The following DRC3 variants were observed in gnomAD, a reference collection of about 807,000 sequenced individuals.
DRC3 encodes dynein regulatory complex subunit 3, also known as leucine rich repeat containing 48.
In DRC3, 45 loss-of-function variants were observed where a neutral mutation model predicts 57.6. The observed-to-expected ratio is 0.78, with a 90% CI of 0.62 to 1.00. DRC3 has a LOEUF of 1.00. Among genes scored for constraint, DRC3 ranks in the 50% least tolerant of loss-of-function variants. The pLI is 0.00. For synonymous variants in DRC3, 257 were observed against 272.3 expected, an observed-to-expected ratio of 0.94 and a Z score of 0.55; for missense variants, 655 against 675.2, an observed-to-expected ratio of 0.97 and a Z score of 0.33.
chr17:18,009,505 T>C (rs1159685750), intron 12 of DRC3, among the ~76,000 whole-genome samples: 1 of 152,240 alleles, frequency 6.6e-6, no homozygotes, highest in African/African-American at 2.4e-5. Context: ...GTTTGCTTTT[T>C]TAATCTTCAC....
intron 12 of DRC3, chr17:18,007,477 G>A: frequency 1.3e-6 from 2 of 1,551,074 alleles, no homozygotes; most frequent in Non-Finnish European, 1.7e-6. Context: ...GTTGAAGTCT[G>A]AGATTTCCCC....
chr17:18,016,231 G>A (rs755104187), intron 13 of DRC3, 36 bp downstream of exon 13: 2 of 1,602,348 alleles, frequency 1.2e-6, no homozygotes, highest in Admixed American at 3.3e-5. Flanking sequence ...CAGGCTGGAT[G>A]AACTTTTCTA....
chr17:17,997,740 C>A, intron 9 of DRC3, 106 bp downstream of exon 9: 1 of 1,065,406 alleles, frequency 9.4e-7, no homozygotes, highest in Non-Finnish European at 1.3e-6. Flanking sequence ...CCTCTGATGA[C>A]CCCTGAGGCC....
At position 18,008,728 on chromosome 17, in the gene DRC3, C is replaced by T. The variant is rs771859337; in HGVS notation, c.1326+1581C>T. Among the ~76,000 whole-genome samples, 2 of 152,226 alleles carry T rather than the reference C, an allele frequency of 1.3e-5. No individual in the cohort carries two copies. The highest frequency in any genetic ancestry group is 2.9e-5 in the Non-Finnish European group (2 of 68,048). On this transcript the variant is annotated intron_variant, in intron 12 of 13. Transcript: ENST00000399187. This position sits in a 1 kb window ranked among gnomAD's most constrained non-coding sequence, Gnocchi z 4.3. ...GCAGCTAATTGCTATTGACCAGACA[C>T]AGGAAAACACCACCTTCCCTGTGAA...
At chr17:17,975,974 A>G (rs751015883) in intron 2 of DRC3, among the ~76,000 whole-genome samples, 2 of 152,116 alleles carry the variant, frequency 1.3e-5, no homozygotes, top group Non-Finnish European at 2.9e-5. Flanking sequence ...GGAAGTCTCT[A>G]AGACCAGGTA....
rs529600272 is a variant in DRC3 at position 18,002,518 on chromosome 17, C to T, written c.1000-1845C>T. On this transcript the variant is annotated intron_variant, in intron 9 of 13. Coordinates refer to ENST00000399187, the MANE Select transcript of DRC3 (RefSeq NM_031294.4). ...CCCCTCATTCCAAAGGGCTCAGCAT[C>T]TATTTAGCAGTAGCTTCCACTTGCT... 4.6e-5 allele frequency among the ~76,000 whole-genome samples: 7 copies of T among 152,312 alleles called. No homozygotes were observed. The South Asian group carries it at 1.5e-3, about 32-fold the overall frequency.
chr17:18,005,111 G>A (rs549819150), intron 10 of DRC3: 1 of 152,770 alleles, frequency 6.5e-6, no homozygotes, highest in South Asian at 2.1e-4. Flanking sequence ...ACATCACAGG[G>A]CAGGTGCTCC....
intron 3 of DRC3, 71 bp downstream of exon 3, chr17:17,977,829 C>T (rs2145192417): frequency 6.8e-7 from 1 of 1,464,092 alleles, no homozygotes; most frequent in South Asian, 1.4e-5. Context: ...CATCTTCAAG[C>T]CCCAGGATTC....
At chr17:18,007,407 C>T (rs2044019452) in intron 12 of DRC3, 1 of 1,551,530 alleles carries the variant, frequency 6.4e-7, no homozygotes, top group Admixed American at 2.0e-5. Flanking sequence ...GGGTCGTTTC[C>T]AAAAGTTCAA....
chr17:17,989,073 G>T (rs1359975666), intron 5 of DRC3, among the ~76,000 whole-genome samples: 1 of 152,278 alleles, frequency 6.6e-6, no homozygotes, highest in East Asian at 1.9e-4. Context: ...ACAAATGGAG[G>T]ACTGTCATAG....
intron 11 of DRC3, 51 bp downstream of exon 11, chr17:18,006,304 G>A (rs1432604640): frequency 7.3e-7 from 1 of 1,372,932 alleles, no homozygotes; most frequent in Non-Finnish European, 1.0e-6. Flanking sequence ...CAGAGCCCCT[G>A]GGCTTGTCCC....
At chr17:18,007,649 T>C in intron 12 of DRC3, 2 of 1,386,968 alleles carry the variant, frequency 1.4e-6, no homozygotes, top group Non-Finnish European at 1.9e-6. Flanking sequence ...GCTCCATCCC[T>C]GGGGTCTGCA....
intron 12 of DRC3, among the ~76,000 whole-genome samples, chr17:18,009,519 A>G (rs1206872535): frequency 2.6e-5 from 4 of 152,218 alleles, no homozygotes; most frequent in Admixed American, 2.6e-4. Context: ...TCTTCACATC[A>G]ACACGGAAAA....
chr17:17,996,671 G>C (rs898280055), intron 8 of DRC3, among the ~76,000 whole-genome samples: 17 of 152,216 alleles, frequency 1.1e-4, no homozygotes, highest in Non-Finnish European at 8.8e-5. Flanking sequence ...GAAAGAATGA[G>C]GGCAGGGTGG....
At chr17:18,007,816 A>G (rs2044036895) in intron 12 of DRC3, 2 of 1,027,108 alleles carry the variant, frequency 1.9e-6, no homozygotes, top group Admixed American at 5.4e-5. Context: ...TAGTGCATGC[A>G]TCATTCACTC....
At chr17:17,995,164 G>A (rs2043406483) in intron 8 of DRC3, 53 bp downstream of exon 8, 6 of 1,336,236 alleles carry the variant, frequency 4.5e-6, no homozygotes, top group Admixed American at 3.5e-5. Flanking sequence ...AGCCTGCCTT[G>A]GCAAGGCCCC....
chr17:17,983,534 G>A (rs974871762), intron 3 of DRC3, among the ~76,000 whole-genome samples: 3 of 152,106 alleles, frequency 2.0e-5, no homozygotes, highest in Admixed American at 6.6e-5. Flanking sequence ...CAGCACAAGC[G>A]AGTCTCCTGC....
intron 11 of DRC3, 138 bp downstream of exon 11, chr17:18,006,391 G>T: frequency 1.5e-6 from 1 of 658,156 alleles, no homozygotes. Context: ...CCTGGTTAGA[G>T]CTGTGGTTTG....
intron 9 of DRC3, among the ~76,000 whole-genome samples, chr17:17,997,904 C>G (rs968442515): frequency 6.6e-6 from 1 of 152,174 alleles, no homozygotes; most frequent in Non-Finnish European, 1.5e-5. Context: ...GATTCAAGGT[C>G]GGCCCTACCC....
Sources: allele counts gnomAD v4.1 joint callset (sites outside exome capture counted in the v4.1 genomes callset), GRCh38; gene constraint gnomAD v4.1.1; non-coding constraint Gnocchi (gnomAD v3.1); transcripts MANE v1.5; gene names NCBI Gene and HGNC (gene_info 2026-07-23, HGNC 2026-07-21).